Variants in PDE1A observed in about 807,000 individuals in gnomAD.
The protein encoded by PDE1A is phosphodiesterase 1A, also known as dual specificity calcium/calmodulin-dependent 3',5'-cyclic nucleotide phosphodiesterase 1A.
Under a neutral mutation model 61.7 loss-of-function variants are expected in PDE1A, and 35 were observed. The observed-to-expected ratio is 0.57, with a 90% CI of 0.43 to 0.75. PDE1A has a LOEUF of 0.75. Among genes scored for constraint, PDE1A ranks in the 30% least tolerant of loss-of-function variants. The probability of loss-of-function intolerance (pLI) is 0.00; values close to 1 mark genes in which losing one functional copy is unlikely to be tolerated. For missense variants in PDE1A, 597 were observed against 630.6 expected, an observed-to-expected ratio of 0.95 and a Z score of 0.57; for synonymous variants, 232 against 213.2, an observed-to-expected ratio of 1.09 and a Z score of -0.77.
the PDE1A span, among the ~76,000 whole-genome samples, chr2:182,669,968 A>G: frequency 2.6e-5 from 4 of 152,226 alleles, no homozygotes; most frequent in African/African-American, 4.8e-5. Flanking sequence ...GAGCACATGA[A>G]GGTTGCCAGG....
At chr2:182,590,866 G>A in the PDE1A span, among the ~76,000 whole-genome samples, 1 of 152,238 alleles carries the variant, frequency 6.6e-6, no homozygotes, top group South Asian at 2.1e-4. Flanking sequence ...TTGCCTACTA[G>A]CGAAACAACT....
intron 6 of PDE1A, among the ~76,000 whole-genome samples, chr2:182,225,334 T>C (rs889412334): frequency 1.3e-5 from 2 of 151,888 alleles, no homozygotes; most frequent in Non-Finnish European, 2.9e-5. Context: ...TGAATTTAAA[T>C]TTTGTGTAAA....
intron 2 of PDE1A, among the ~76,000 whole-genome samples, 184 bp from the exon 3 acceptor site, chr2:182,240,476 T>C (rs1017646254): frequency 3.3e-5 from 5 of 152,212 alleles, no homozygotes; most frequent in Admixed American, 6.5e-5. Flanking sequence ...ATTTCTCAAA[T>C]TGATCATATG....
At chr2:182,385,901 T>C (rs1381663901) in intron 1 of PDE1A, among the ~76,000 whole-genome samples, 1 of 151,728 alleles carries the variant, frequency 6.6e-6, no homozygotes, top group Non-Finnish European at 1.5e-5. Context: ...GGTCTCCCTC[T>C]GATGCCCGGC....
At chr2:182,469,197 A>T (rs1686868584) in intron 2 of PDE1A, among the ~76,000 whole-genome samples, 1 of 151,982 alleles carries the variant, frequency 6.6e-6, no homozygotes, top group Non-Finnish European at 1.5e-5. Context: ...AAAGTCCTAG[A>T]TGGCATCTTC....
At chr2:182,466,252 C>T (rs1253630482) in intron 2 of PDE1A, among the ~76,000 whole-genome samples, 1 of 152,006 alleles carries the variant, frequency 6.6e-6, no homozygotes, top group Non-Finnish European at 1.5e-5. Context: ...GTTTATCTTT[C>T]CCAGACCACA....
intron 2 of PDE1A, among the ~76,000 whole-genome samples, chr2:182,509,391 C>T (rs772719484): frequency 1.2e-4 from 19 of 152,190 alleles, no homozygotes; most frequent in East Asian, 1.9e-4. Context: ...GCTTTGAGTA[C>T]GCAAAACTAG....
chr2:182,565,692 A>AG, the PDE1A span, among the ~76,000 whole-genome samples: 1 of 152,208 alleles, frequency 6.6e-6, no homozygotes, highest in Non-Finnish European at 1.5e-5. Context: ...AGAAAAAAAA[A>AG]GAATCTAATG....
At chr2:182,362,025 T>C (rs1421393698) in intron 1 of PDE1A, among the ~76,000 whole-genome samples, 1 of 152,058 alleles carries the variant, frequency 6.6e-6, no homozygotes, top group African/African-American at 2.4e-5. Context: ...TGTAAAGAGT[T>C]TGCTTTAGCA....
intron 2 of PDE1A, among the ~76,000 whole-genome samples, chr2:182,467,031 G>A (rs989241432): frequency 6.6e-6 from 1 of 151,792 alleles, no homozygotes; most frequent in African/African-American, 2.4e-5. Context: ...AGAGATTAAA[G>A]TGTATGCATA....
the PDE1A span, among the ~76,000 whole-genome samples, chr2:182,693,910 G>A: frequency 5.1e-4 from 77 of 152,130 alleles, no homozygotes; most frequent in African/African-American, 1.8e-3. Flanking sequence ...GGCTCCCAAA[G>A]TTCTGGGATT....
chr2:182,581,964 C>G, the PDE1A span, among the ~76,000 whole-genome samples: 2 of 152,182 alleles, frequency 1.3e-5, no homozygotes, highest in Non-Finnish European at 2.9e-5. Context: ...AGCTCTCCAA[C>G]TGCTCCAGGT....
intron 7 of PDE1A, among the ~76,000 whole-genome samples, chr2:182,222,960 G>A (rs1046634437): frequency 6.6e-6 from 1 of 151,966 alleles, no homozygotes; most frequent in African/African-American, 2.4e-5. Context: ...AGAGGTTAGG[G>A]TAACTCTCTG....
intron 2 of PDE1A, among the ~76,000 whole-genome samples, chr2:182,504,064 T>C (rs531678236): frequency 6.6e-6 from 1 of 152,226 alleles, no homozygotes; most frequent in Admixed American, 6.5e-5. Context: ...TGAATGACAC[T>C]CATTCTTAAG....
intron 1 of PDE1A, among the ~76,000 whole-genome samples, chr2:182,357,450 T>C (rs1461857256): frequency 1.3e-5 from 2 of 152,102 alleles, no homozygotes; most frequent in African/African-American, 4.8e-5. Context: ...TAAAAAACAG[T>C]ATTGCATGGA....
intron 1 of PDE1A, among the ~76,000 whole-genome samples, chr2:182,333,419 A>T (rs1697558838): frequency 6.6e-6 from 1 of 152,216 alleles, no homozygotes. Flanking sequence ...ACTCAGGATT[A>T]AAAAATTCAC....
the PDE1A span, among the ~76,000 whole-genome samples, chr2:182,565,850 A>G: frequency 6.6e-6 from 1 of 152,150 alleles, no homozygotes; most frequent in Non-Finnish European, 1.5e-5. Context: ...CAGGTTAAAC[A>G]ACTCAGCTCC....
chr2:182,157,393 G>T (rs1211814712), intron 13 of PDE1A, among the ~76,000 whole-genome samples: 1 of 151,932 alleles, frequency 6.6e-6, no homozygotes, highest in Non-Finnish European at 1.5e-5. Context: ...TTCCCAAATT[G>T]TGCACACTTT....
chr2:182,538,259 T>A, the PDE1A span, among the ~76,000 whole-genome samples: 1 of 152,166 alleles, frequency 6.6e-6, no homozygotes, highest in African/African-American at 2.4e-5. Context: ...GTTTATGGTG[T>A]GTTGCTCCTT....
Sources: allele counts gnomAD v4.1 joint callset (sites outside exome capture counted in the v4.1 genomes callset), GRCh38; gene constraint gnomAD v4.1.1; transcripts MANE v1.5; gene names NCBI Gene and HGNC (gene_info 2026-07-23, HGNC 2026-07-21).